Variants in CEP126 observed in about 807,000 individuals in gnomAD.
The protein encoded by CEP126 is centrosomal protein 126.
A neutral mutation model predicts 107.8 loss-of-function variants in CEP126; 74 were observed. The ratio of observed to expected loss-of-function variants is 0.69; its 90% CI spans 0.57 to 0.83. The LOEUF (loss-of-function observed/expected upper bound fraction) is 0.83, where lower values mean the gene tolerates loss of function less well. Ranked by LOEUF, CEP126 falls within the 40% of genes least tolerant of loss-of-function variation. CEP126 has a pLI of 0.00. For missense variants in CEP126, 1,237 were observed against 1,281.9 expected (o/e 0.96, Z 0.53); for synonymous variants, 449 against 446.0 (o/e 1.01, Z -0.08).
chr11:101,915,155 C>G lies in CEP126; in HGVS notation c.-130C>G. ...CGGGAGCTAGGGCTGTCGAGGCCAA[C>G]CCTTCCGCGCCCGTGACGCGGGGCC... is the stretch of plus-strand genomic sequence containing the variant. On this transcript the variant is annotated 5_prime_UTR_variant, in exon 1 of 11. Transcript: ENST00000263468. The G allele has an allele frequency of 7.0e-7, 1 of 1,425,320 alleles. No homozygotes were observed. The highest frequency in any genetic ancestry group is 9.5e-7 in the Non-Finnish European group (1 of 1,053,128). The allele number at this position is 1,425,320 out of a possible 1,614,324, so 88.3% of individuals were successfully genotyped here. A position where few individuals can be genotyped will look rare whatever the true frequency, so the allele number is the denominator to read the frequency against.
intron 10 of CEP126, among the ~76,000 whole-genome samples, chr11:101,996,959 GA>G (rs1209969441): frequency 1.3e-5 from 2 of 152,062 alleles, no homozygotes; most frequent in African/African-American, 4.8e-5. Context: ...TTATCTAGAA[GA>G]AAATTTTAAA....
intron 1 of CEP126, chr11:101,916,439 A>G (rs931037827): frequency 1.3e-5 from 2 of 152,234 alleles, no homozygotes; most frequent in African/African-American, 4.8e-5. Flanking sequence ...GCTTTCTGCA[A>G]TCTTCCATCC....
At chr11:101,985,992 CTTTTTTT>C in intron 8 of CEP126, among the ~76,000 whole-genome samples, 1 of 98,082 alleles carries the variant, frequency 1.0e-5, no homozygotes, top group Non-Finnish European at 2.3e-5. Flanking sequence ...GAATTGATTT[CTTTTTTT>C]TTTTTTTTTT....
chr11:101,930,673 G>A (rs1565351001), intron 2 of CEP126, among the ~76,000 whole-genome samples: 2 of 152,148 alleles, frequency 1.3e-5, no homozygotes, highest in South Asian at 4.1e-4. Context: ...ACAGAGTGCT[G>A]ATTGGCCCAT....
chr11:101,917,249 T>C (rs1940236812), intron 1 of CEP126, among the ~76,000 whole-genome samples: 1 of 152,006 alleles, frequency 6.6e-6, no homozygotes, highest in Non-Finnish European at 1.5e-5. Flanking sequence ...TTTATATAAG[T>C]TTAATTGGAA....
At chr11:101,996,361 T>C (rs1001332026) in intron 10 of CEP126, among the ~76,000 whole-genome samples, 1 of 152,356 alleles carries the variant, frequency 6.6e-6, no homozygotes, top group South Asian at 2.1e-4. Context: ...TCAGTCATCC[T>C]TTCTCTGATC....
intron 2 of CEP126, among the ~76,000 whole-genome samples, chr11:101,924,438 C>G (rs77258561): frequency 6.7e-6 from 1 of 149,326 alleles, no homozygotes; most frequent in East Asian, 2.0e-4. Context: ...TGTTTTGGGG[C>G]TGTGTGTGTG....
At chr11:101,979,748 TTAAA>T (rs1941234413) in intron 7 of CEP126, among the ~76,000 whole-genome samples, 1 of 151,908 alleles carries the variant, frequency 6.6e-6, no homozygotes, top group Non-Finnish European at 1.5e-5. Flanking sequence ...TCAAAACAAA[TTAAA>T]TAAATAAAAT....
At chr11:101,930,655 TCCATTTTACAGAGTGCTGATTGGC>T (rs1940485436) in intron 2 of CEP126, among the ~76,000 whole-genome samples, 1 of 152,194 alleles carries the variant, frequency 6.6e-6, no homozygotes, top group Non-Finnish European at 1.5e-5. Context: ...TGCTGATTAG[TCCATTTTACAGAGTGCTGATTGGC>T]CCATTTTACA....
intron 4 of CEP126, among the ~76,000 whole-genome samples, chr11:101,951,430 T>G (rs1297462935): frequency 6.6e-6 from 1 of 152,074 alleles, no homozygotes; most frequent in Non-Finnish European, 1.5e-5. Context: ...AAGGATCACT[T>G]GAGCCCAGGA....
Position 101,963,231 on chromosome 11 carries a change from A to G in CEP126, c.2196A>G (p.Glu732=), listed in dbSNP as rs1472717087. The G allele has an allele frequency of 1.2e-6, 2 of 1,614,046 alleles. No individual in the cohort carries two copies. Among genetic ancestry groups the G allele is most frequent in the Non-Finnish European group, 1.7e-6 (2 of 1,180,006 alleles). ...ATGCCTGGCCAGCCTCAAAAAAAGA[A>G]GAAAGTAAAATCCCTGTACATGATG... The part of the protein sequence containing the change: ...AKHAWPASKK[E]ESKIPVHDDS... Residue 732 remains glutamate, a synonymous_variant, in exon 6 of 11, where the codon GAA becomes GAG. Coordinates refer to ENST00000263468, the MANE Select transcript of CEP126 (RefSeq NM_020802.4).
chr11:101,982,007 G>A lies in CEP126; in HGVS notation c.3034+43G>A, dbSNP rs779877776. ...CATTTTTCTCTGATCTTTGTTCCCA[G>A]TGATTTTTTTTCTTGTATGCCTATT... On this transcript the variant is annotated intron_variant, in intron 8 of 10. Coordinates refer to ENST00000263468, the MANE Select transcript of CEP126 (RefSeq NM_020802.4). The A allele has an allele frequency of 1.9e-5, 21 of 1,129,210 alleles. No individual in the cohort carries two copies. In the East Asian group the frequency reaches 4.7e-4, roughly 25 times the overall value. 69.9% of individuals were successfully genotyped at this position (1,129,210 alleles called of 1,614,324 possible).
At chr11:101,973,978 T>A (rs1941163015) in intron 6 of CEP126, among the ~76,000 whole-genome samples, 1 of 152,202 alleles carries the variant, frequency 6.6e-6, no homozygotes, top group South Asian at 2.1e-4. Context: ...ATAATTATTT[T>A]CTGCCAATTT....
intron 8 of CEP126, among the ~76,000 whole-genome samples, chr11:101,985,835 T>C (rs1194746904): frequency 6.6e-6 from 1 of 152,198 alleles, no homozygotes; most frequent in Non-Finnish European, 1.5e-5. Context: ...CTCCATTACT[T>C]TTAAGCTTTG....
chr11:101,969,444 G>A (rs1201523133), intron 6 of CEP126, among the ~76,000 whole-genome samples: 1 of 152,128 alleles, frequency 6.6e-6, no homozygotes, highest in Non-Finnish European at 1.5e-5. Context: ...AAGAGGCAGG[G>A]GTAGGGGTAT....
intron 1 of CEP126, among the ~76,000 whole-genome samples, chr11:101,920,023 T>G (rs1940298569): frequency 6.6e-6 from 1 of 152,200 alleles, no homozygotes; most frequent in Non-Finnish European, 1.5e-5. Flanking sequence ...TTTCTTCCCT[T>G]TTGGTTTGAT....
At position 101,956,696 on chromosome 11, in the gene CEP126, C is replaced by A. The variant is rs1940901242; in HGVS notation, c.507-1472C>A. On this transcript the variant is annotated intron_variant, in intron 4 of 10. Transcript: ENST00000263468. ...CTCTCCTTTGCATTCATCTTCCTCTCCAGGTTTGCCTCCAACTTATTTAGC... is the reference window on the plus strand; with the variant it reads ...CTCTCCTTTGCATTCATCTTCCTCTACAGGTTTGCCTCCAACTTATTTAGC... 4.4e-6 allele frequency: 2 copies of A among 456,094 alleles called. 1 individual carries two copies. Among genetic ancestry groups the A allele is most frequent in the Admixed American group, 4.7e-5 (2 of 42,532 alleles). 28.3% of individuals were successfully genotyped at this position (456,094 alleles called of 1,614,324 possible). A position where few individuals can be genotyped will look rare whatever the true frequency, so the allele number is the denominator to read the frequency against.
At chr11:101,955,670 AC>A (rs1354570352) in intron 4 of CEP126, 2 of 355,908 alleles carry the variant, frequency 5.6e-6, no homozygotes, top group South Asian at 2.1e-5. Context: ...TCATACATGG[AC>A]CCTATGGACA....
chr11:101,927,975 A>T (rs936338517), intron 2 of CEP126, among the ~76,000 whole-genome samples: 12 of 152,182 alleles, frequency 7.9e-5, no homozygotes, highest in African/African-American at 2.2e-4. Context: ...AAAAACTGCC[A>T]GCCGTTTTTC....
Sources: gnomAD v4.1 joint callset for allele counts (sites outside exome capture counted in the v4.1 genomes callset) on GRCh38, gnomAD v4.1.1 for gene constraint, MANE v1.5 for transcripts, NCBI Gene and HGNC (gene_info 2026-07-23, HGNC 2026-07-21) for gene names.